GEMIN5: variants seen among roughly 807,000 people sequenced by gnomAD.
The protein encoded by GEMIN5 is gem-associated protein 5.
In GEMIN5, 124 loss-of-function variants were observed where a neutral mutation model predicts 176.9. The ratio of observed to expected loss-of-function variants is 0.70; its 90% CI spans 0.61 to 0.81. The LOEUF is 0.81. GEMIN5 is among the 40% of genes least tolerant of loss of function. GEMIN5 has a pLI of 0.00. For missense variants in GEMIN5, 1,843 were observed against 1,814.6 expected (o/e 1.02, Z -0.28); for synonymous variants, 673 against 665.2 (o/e 1.01, Z -0.18).
intron 12 of GEMIN5, among the ~76,000 whole-genome samples, 192 bp from the exon 13 acceptor site, chr5:154,917,371 G>C (rs538964671): frequency 2.6e-5 from 4 of 152,104 alleles, no homozygotes; most frequent in Non-Finnish European, 5.9e-5. Context: ...AGTATATTTA[G>C]CTTTTAAAAA....
At chr5:154,892,342 G>A in intron 25 of GEMIN5, 45 bp downstream of exon 25, 1 of 1,485,578 alleles carries the variant, frequency 6.7e-7, no homozygotes, top group South Asian at 1.2e-5. Context: ...TGGTGGTGAT[G>A]TTGTCCATTA....
In GEMIN5 at chr5:154,920,018, A is replaced by G. The variant is rs543651409; in HGVS notation, c.1548T>C (p.Ser516=). The G allele has an allele frequency of 1.9e-6, 3 of 1,613,668 alleles. No individual in the cohort carries two copies. The highest frequency in any genetic ancestry group is 1.1e-5 in the South Asian group (1 of 91,056). Residue 516 remains serine, a synonymous_variant, in exon 11 of 28, where the codon AGT becomes AGC. Transcript: ENST00000285873. Reference sequence around the variant, plus strand: ...GTTTGTTGATGTCAAAGGCTTCTCCACTAAGCTTCCAGGGATTATGCTGTA... The same window carrying G: ...GTTTGTTGATGTCAAAGGCTTCTCCGCTAAGCTTCCAGGGATTATGCTGTA... ...IVLQHNPWKL[S]GEAFDINKLI...
At chr5:154,932,630 A>C (rs1352015479) in intron 3 of GEMIN5, among the ~76,000 whole-genome samples, 1 of 151,956 alleles carries the variant, frequency 6.6e-6, no homozygotes, top group Non-Finnish European at 1.5e-5. Context: ...TGGCACAATC[A>C]CCACTTACTG....
chr5:154,904,269 A>G (rs965767747), intron 18 of GEMIN5, among the ~76,000 whole-genome samples: 6 of 152,222 alleles, frequency 3.9e-5, no homozygotes, highest in Non-Finnish European at 7.3e-5. Context: ...TAGATTTAGA[A>G]TAAAAGCAGA....
rs1329308985 is a variant in GEMIN5 at position 154,902,605 on chromosome 5, C to A, written c.2800G>T (p.Gly934Cys). ...QLMLWKGDLK[G>C]VLQTAAERGE... ...CTTTCTGCTGCAGTCTGGAGAACACCTTTGAGATCTCCTTTCCAAAGCATA... is the reference window on the plus strand; with the variant it reads ...CTTTCTGCTGCAGTCTGGAGAACACATTTGAGATCTCCTTTCCAAAGCATA... The change falls in exon 20 of 28, where the codon GGT (glycine) becomes TGT (cysteine). Residue 934 changes from glycine (G) to cysteine (C), a missense_variant. Gly to Cys is a radical substitution (Grantham distance 159). Coordinates refer to ENST00000285873, the MANE Select transcript of GEMIN5 (RefSeq NM_015465.5). The A allele has an allele frequency of 1.2e-6, 2 of 1,613,610 alleles. No homozygotes were observed. The highest frequency in any genetic ancestry group is 1.7e-6 in the Non-Finnish European group (2 of 1,179,498).
At position 154,928,615 on chromosome 5, in the gene GEMIN5, C is replaced by T. The variant is rs750956190; in HGVS notation, c.826G>A (p.Gly276Ser). 8 of 1,613,666 alleles carry T rather than the reference C, an allele frequency of 5.0e-6. No individual in the cohort carries two copies. The highest frequency in any genetic ancestry group is 5.1e-6 in the Non-Finnish European group (6 of 1,179,610). ...KLPFLKRRGG[G>S]IDPTVKERLW... ...CGCTCTTTAACAGTTGGGTCTATAC[C>T]CCCTCCTCTTCTCTTCAGAAAGGGC... is the stretch of plus-strand genomic sequence containing the variant. Residue 276 changes from glycine to serine, a missense_variant, in exon 6 of 28, where the codon GGT becomes AGT. Gly to Ser is a moderately conservative substitution (Grantham distance 56). Transcript: ENST00000285873.
rs1357132707 is a variant in GEMIN5, at chr5:154,907,631, T to C, written c.2355A>G (p.Gln785=). ...NGVSDQEGEE[Q]AREPELPCGL... is the part of the protein sequence containing the mutation. ...CACAGGGTAATTCCGGCTCCCGTGCTTGCTCCTCCCCTTCTTGGTCTGACA... is the reference window on the plus strand; with the variant it reads ...CACAGGGTAATTCCGGCTCCCGTGCCTGCTCCTCCCCTTCTTGGTCTGACA... Residue 785 remains glutamine (Q), a synonymous_variant, in exon 16 of 28, where the codon CAA becomes CAG. Transcript: ENST00000285873. The C allele has an allele frequency of 1.8e-5, 29 of 1,613,930 alleles. No individual in the cohort carries two copies. Among genetic ancestry groups the C allele is most frequent in the Non-Finnish European group, 2.4e-5 (28 of 1,179,988 alleles).
chr5:154,901,516 AAC>A (rs1284322777), intron 20 of GEMIN5, 30 bp from the exon 21 acceptor site: 5 of 1,610,496 alleles, frequency 3.1e-6, no homozygotes, highest in African/African-American at 1.3e-5. Context: ...TGGTTAAAAA[AAC>A]AGTTGAAGAA....
Position 154,891,876 on chromosome 5 carries a change from G to A in GEMIN5, c.3761-134C>T, listed in dbSNP as rs1044617638. The A allele has an allele frequency of 3.3e-5, 28 of 836,776 alleles. No individual in the cohort carries two copies. In the East Asian group the frequency reaches 3.8e-4, roughly 11 times the overall value. 51.8% of individuals were successfully genotyped at this position (836,776 alleles called of 1,614,324 possible). A position where few individuals can be genotyped will look rare whatever the true frequency, so the allele number is the denominator to read the frequency against. ...AAAAAGGACAACAGTGTGATCCACC[G>A]GGCCACATGCCTTTCCACCAAGAGC... is the stretch of plus-strand genomic sequence containing the variant. On this transcript the variant is annotated intron_variant, in intron 25 of 27. Transcript: ENST00000285873.
At chr5:154,927,353 C>G in intron 7 of GEMIN5, 32 bp downstream of exon 7, 1 of 1,481,358 alleles carries the variant, frequency 6.8e-7, no homozygotes, top group Non-Finnish European at 9.4e-7. Context: ...AACTGCTGCT[C>G]TACAATGCTG....
chr5:154,932,218 A>C lies in GEMIN5; in HGVS notation c.542T>G (p.Ile181Ser). Reference sequence around the variant, plus strand: ...ATGAATAACTTCTCCTTTCTTACTGATGTCAATTATCACCACTATGCCATC... The same window carrying C: ...ATGAATAACTTCTCCTTTCTTACTGCTGTCAATTATCACCACTATGCCATC... Reference protein sequence around the residue: ...YKDGIVVIIDISKKGEVIHRL... With the variant: ...YKDGIVVIIDSSKKGEVIHRL... Residue 181 changes from isoleucine to serine, a missense_variant, in exon 4 of 28, where the codon ATC (isoleucine) becomes AGC (serine). Physicochemically the swap from Ile to Ser is moderately radical, Grantham distance 142. Transcript: ENST00000285873. 1 of 1,611,130 alleles carries C rather than the reference A, an allele frequency of 6.2e-7. No individual in the cohort carries two copies. The highest frequency in any genetic ancestry group is 8.5e-7 in the Non-Finnish European group (1 of 1,177,386).
chr5:154,931,629 T>C (rs17647858), intron 4 of GEMIN5, 52 bp from the exon 5 acceptor site: 15,565 of 1,475,466 alleles, frequency 0.011, 132 homozygotes, highest in South Asian at 0.015. Flanking sequence ...CACGCACTAA[T>C]ATAAAAAAAT....
intron 10 of GEMIN5, among the ~76,000 whole-genome samples, chr5:154,920,556 G>T (rs1763902776): frequency 6.6e-6 from 1 of 152,132 alleles, no homozygotes; most frequent in Non-Finnish European, 1.5e-5. Flanking sequence ...CAATCTTCTT[G>T]TTAATTTTTA....
intron 3 of GEMIN5, among the ~76,000 whole-genome samples, chr5:154,935,597 T>C (rs1331649134): frequency 1.3e-5 from 2 of 151,912 alleles, no homozygotes; most frequent in African/African-American, 2.4e-5. Flanking sequence ...CACGTAAAGG[T>C]TGATTGGAGG....
At chr5:154,935,212 A>C (rs1764243168) in intron 3 of GEMIN5, among the ~76,000 whole-genome samples, 1 of 152,126 alleles carries the variant, frequency 6.6e-6, no homozygotes, top group Non-Finnish European at 1.5e-5. Context: ...TTTTACAACA[A>C]ACTTTGTGAA....
intron 15 of GEMIN5, among the ~76,000 whole-genome samples, chr5:154,910,940 C>T (rs566426622): frequency 2.0e-5 from 3 of 152,210 alleles, no homozygotes; most frequent in African/African-American, 7.2e-5. Flanking sequence ...CCTTGTGATC[C>T]GCCCATCTCG....
At chr5:154,888,792 T>A (rs1055733647) in intron 27 of GEMIN5, among the ~76,000 whole-genome samples, 5 of 152,206 alleles carry the variant, frequency 3.3e-5, no homozygotes, top group Admixed American at 3.3e-4. Context: ...ACTTGTGTGA[T>A]CGATAATTCT....
rs547779657 is a variant in GEMIN5 at position 154,912,864 on chromosome 5, G to A, written c.1995+35C>T. On this transcript the variant is annotated intron_variant, in intron 14 of 27. Transcript: ENST00000285873. ...AAGAAAGAATTTGTTAGAGTACACA[G>A]TGAAGGACCCACAGGGACAAGGACA... is the stretch of plus-strand genomic sequence containing the variant. 6.6e-5 allele frequency: 105 copies of A among 1,585,450 alleles called. No individual in the cohort carries two copies. The Middle Eastern group carries it at 1.8e-3, about 28-fold the overall frequency.
At chr5:154,896,885 C>T (rs1384976971) in intron 23 of GEMIN5, among the ~76,000 whole-genome samples, 1 of 152,200 alleles carries the variant, frequency 6.6e-6, no homozygotes, top group Non-Finnish European at 1.5e-5. Flanking sequence ...AATCTACTTT[C>T]ACTAGATTTT....
Sources: allele counts gnomAD v4.1 joint callset (sites outside exome capture counted in the v4.1 genomes callset), GRCh38; gene constraint gnomAD v4.1.1; transcripts MANE v1.5; gene names NCBI Gene and HGNC (gene_info 2026-07-23, HGNC 2026-07-21).